Variants in GALNT17 observed in about 807,000 individuals in gnomAD.
GALNT17 encodes polypeptide N-acetylgalactosaminyltransferase 17.
Under a neutral mutation model 63.7 loss-of-function variants are expected in GALNT17, and 29 were observed. That is an observed-to-expected ratio of 0.46 (90% CI 0.34 to 0.62). The LOEUF (loss-of-function observed/expected upper bound fraction) is 0.62. Ranked by LOEUF, GALNT17 falls within the 20% of genes least tolerant of loss-of-function variation. GALNT17 has a pLI of 0.01. For missense variants in GALNT17, 603 were observed against 799.6 expected, an observed-to-expected ratio of 0.75 and a Z score of 2.97; for synonymous variants, 305 against 318.3, an observed-to-expected ratio of 0.96 and a Z score of 0.45.
intron 1 of GALNT17, among the ~76,000 whole-genome samples, chr7:71,252,221 C>CAAAAAA (rs11366800): frequency 8.2e-6 from 1 of 121,750 alleles, no homozygotes. Flanking sequence ...TCCTGAAACT[C>CAAAAAA]AAAAAAAAAA....
chr7:71,204,485 G>A (rs1789233410), intron 1 of GALNT17, among the ~76,000 whole-genome samples: 1 of 152,010 alleles, frequency 6.6e-6, no homozygotes, highest in African/African-American at 2.4e-5. Context: ...GATTGCTTTG[G>A]GTGGTATGGA....
At chr7:71,579,131 G>C (rs1179002172) in intron 6 of GALNT17, among the ~76,000 whole-genome samples, 2 of 152,336 alleles carry the variant, frequency 1.3e-5, no homozygotes, top group African/African-American at 4.8e-5. Flanking sequence ...TGTGAAGGAA[G>C]TCATCCTTGG....
rs187430738 is a variant in GALNT17 at position 71,495,975 on chromosome 7, C to A, written c.962+74870C>A. Among the ~76,000 whole-genome samples, 10 of 152,240 alleles carry A rather than the reference C, an allele frequency of 6.6e-5. No individual in the cohort carries two copies. In the South Asian group the frequency reaches 1.2e-3, roughly 19 times the overall value. On this transcript the variant is annotated intron_variant, in intron 5 of 10. Coordinates refer to ENST00000333538, the MANE Select transcript of GALNT17 (RefSeq NM_022479.3). ...CCAGCCTGCCAAGGTTCGTGATGTC[C>A]GCTGCTGCCCACCCCTGCTGTTGCT...
chr7:71,584,511 A>G (rs1789686187), intron 6 of GALNT17, among the ~76,000 whole-genome samples: 1 of 152,198 alleles, frequency 6.6e-6, no homozygotes, highest in Admixed American at 6.5e-5. Context: ...TAAATACTTT[A>G]CAGTGCATTG....
intron 2 of GALNT17, among the ~76,000 whole-genome samples, chr7:71,346,103 G>T (rs1393993219): frequency 1.3e-5 from 2 of 151,760 alleles, no homozygotes; most frequent in Admixed American, 1.3e-4. Flanking sequence ...TGAAGTGGGG[G>T]GATTGCTTGA....
intron 6 of GALNT17, among the ~76,000 whole-genome samples, chr7:71,618,018 A>C (rs1158163665): frequency 2.0e-5 from 3 of 152,048 alleles, no homozygotes; most frequent in Non-Finnish European, 4.4e-5. Flanking sequence ...TCCTGTGTTT[A>C]TCTCCATGTG....
chr7:71,147,576 A>T (rs760289222), intron 1 of GALNT17, among the ~76,000 whole-genome samples: 9 of 152,146 alleles, frequency 5.9e-5, no homozygotes, highest in African/African-American at 9.7e-5. Context: ...ATTGACACTC[A>T]GTATTAACCA....
intron 4 of GALNT17, among the ~76,000 whole-genome samples, chr7:71,417,508 C>T (rs4425646): frequency 0.045 from 6,894 of 152,118 alleles, 557 homozygotes; most frequent in African/African-American, 0.16. Flanking sequence ...CAAAGTGTGG[C>T]GCCCCAGACC....
chr7:71,140,753 G>C (rs1021377076), intron 1 of GALNT17, among the ~76,000 whole-genome samples: 6 of 152,204 alleles, frequency 3.9e-5, no homozygotes, highest in African/African-American at 1.4e-4. Flanking sequence ...CAGGCACAGT[G>C]GCTCACGCCT....
intron 9 of GALNT17, among the ~76,000 whole-genome samples, chr7:71,696,952 A>G (rs1791554994): frequency 6.6e-6 from 1 of 152,190 alleles, no homozygotes; most frequent in Admixed American, 6.5e-5. Context: ...AAAATACGAG[A>G]TTATGTAAGT....
intron 2 of GALNT17, among the ~76,000 whole-genome samples, chr7:71,364,598 G>A (rs189576858): frequency 9.2e-4 from 140 of 152,230 alleles, no homozygotes; most frequent in Admixed American, 5.7e-3. Context: ...ATTAGAACCC[G>A]TTTTCAATGA....
chr7:71,340,535 T>A (rs1362263149), intron 2 of GALNT17, among the ~76,000 whole-genome samples: 1 of 152,172 alleles, frequency 6.6e-6, no homozygotes, highest in Non-Finnish European at 1.5e-5. Context: ...CTTCATCCTT[T>A]TGCATAAAGC....
intron 5 of GALNT17, among the ~76,000 whole-genome samples, chr7:71,473,922 A>G (rs938809319): frequency 6.6e-6 from 1 of 152,228 alleles, no homozygotes; most frequent in South Asian, 2.1e-4. Flanking sequence ...AGTAAAAGCA[A>G]GTTTATTCAG....
intron 5 of GALNT17, among the ~76,000 whole-genome samples, chr7:71,500,019 G>GT (rs1201386707): frequency 1.3e-5 from 2 of 152,154 alleles, no homozygotes; most frequent in African/African-American, 2.4e-5. Context: ...TACCATCATT[G>GT]TAAGTTTCCT....
chr7:71,532,867 C>G (rs1477525208), intron 5 of GALNT17, among the ~76,000 whole-genome samples: 1 of 152,094 alleles, frequency 6.6e-6, no homozygotes, highest in Non-Finnish European at 1.5e-5. Flanking sequence ...GTAAAAGCCC[C>G]ATTGCCTTCC....
intron 5 of GALNT17, among the ~76,000 whole-genome samples, chr7:71,434,432 G>A (rs944667625): frequency 2.0e-5 from 3 of 152,156 alleles, no homozygotes; most frequent in Non-Finnish European, 4.4e-5. Context: ...GTAAGGTCAG[G>A]TTGAAGACTG....
At chr7:71,566,636 G>T (rs1192131311) in intron 5 of GALNT17, among the ~76,000 whole-genome samples, 3 of 150,252 alleles carry the variant, frequency 2.0e-5, no homozygotes, top group Non-Finnish European at 4.4e-5. Context: ...CTTCCCTGTA[G>T]CCTTCCTCTT....
At chr7:71,187,092 A>G (rs1562896910) in intron 1 of GALNT17, among the ~76,000 whole-genome samples, 1 of 152,094 alleles carries the variant, frequency 6.6e-6, no homozygotes, top group Non-Finnish European at 1.5e-5. Flanking sequence ...AGAGAAGACG[A>G]CTACAACTTT....
chr7:71,687,113 C>T (rs976209019), intron 9 of GALNT17, among the ~76,000 whole-genome samples: 3 of 152,286 alleles, frequency 2.0e-5, no homozygotes, highest in Non-Finnish European at 2.9e-5. Context: ...AGGACATTAG[C>T]GACGTCTCCT....
Sources: allele counts gnomAD v4.1 joint callset (sites outside exome capture counted in the v4.1 genomes callset), GRCh38; gene constraint gnomAD v4.1.1; transcripts MANE v1.5; gene names NCBI Gene and HGNC (gene_info 2026-07-23, HGNC 2026-07-21).